ZNF208: variants seen among roughly 807,000 people sequenced by gnomAD.
ZNF208 encodes the protein zinc finger protein 95.
Under a neutral mutation model 12.1 loss-of-function variants are expected in ZNF208, and 10 were observed. That is an observed-to-expected ratio of 0.83 (90% CI 0.51 to 1.40). The LOEUF is 1.40. Ranked by LOEUF, ZNF208 falls within the 40% of genes most tolerant of loss-of-function variation. The probability of loss-of-function intolerance (pLI) is 0.00; values close to 1 mark genes in which losing one functional copy is unlikely to be tolerated. For missense variants in ZNF208, 1,652 were observed against 1,485.0 expected, an observed-to-expected ratio of 1.11 and a Z score of -1.85; for synonymous variants, 497 against 488.4, an observed-to-expected ratio of 1.02 and a Z score of -0.23.
chr19:21,987,384 A>G, intron 2 of ZNF208, 73 bp from the exon 3 acceptor site: 1 of 1,405,942 alleles, frequency 7.1e-7, no homozygotes. Context: ...TGTGCTCAGT[A>G]AAGAGGATGT....
intron 1 of ZNF208, among the ~76,000 whole-genome samples, chr19:22,006,241 C>G (rs922527449): frequency 1.1e-4 from 16 of 152,060 alleles, no homozygotes; most frequent in African/African-American, 3.9e-4. Context: ...AAACATTCCC[C>G]TCACCTTCTT....
chr19:22,001,739 A>C (rs1970950546), intron 1 of ZNF208, among the ~76,000 whole-genome samples: 1 of 151,560 alleles, frequency 6.6e-6, no homozygotes, highest in African/African-American at 2.4e-5. Context: ...AAAACACACA[A>C]AAAATTAGCT....
intron 1 of ZNF208, among the ~76,000 whole-genome samples, chr19:22,007,439 A>G (rs1300887883): frequency 1.5e-5 from 2 of 133,432 alleles, no homozygotes; most frequent in Non-Finnish European, 3.1e-5. Context: ...TAAACCTGGG[A>G]GGAGGAGCTT....
chr19:21,965,280 T>TA (rs1409449642), downstream of ZNF208, among the ~76,000 whole-genome samples: 2 of 152,072 alleles, frequency 1.3e-5, no homozygotes, highest in East Asian at 3.9e-4. Flanking sequence ...AGTTTTGAAA[T>TA]ACTGTCATTT....
chr19:21,965,295 A>T (rs1970144420), downstream of ZNF208, among the ~76,000 whole-genome samples: 1 of 152,042 alleles, frequency 6.6e-6, no homozygotes, highest in African/African-American at 2.4e-5. Flanking sequence ...TCATTTCTAG[A>T]TGAAATAACA....
intron 4 of ZNF208, among the ~76,000 whole-genome samples, chr19:21,954,801 G>A (rs912682324): frequency 2.0e-5 from 3 of 152,138 alleles, no homozygotes; most frequent in African/African-American, 7.2e-5. Flanking sequence ...TTGCCAGTCT[G>A]TGTCTTTTAA....
chr19:21,974,892 A>G, intron 3 of ZNF208, 85 bp from the exon 4 acceptor site: 3 of 1,406,610 alleles, frequency 2.1e-6, no homozygotes, highest in Non-Finnish European at 2.8e-6. Context: ...AAAATTATTC[A>G]AACTACATAA....
intron 1 of ZNF208, among the ~76,000 whole-genome samples, chr19:22,001,915 A>AAAAAAAAAG (rs1970959670): frequency 1.5e-4 from 22 of 144,838 alleles, no homozygotes; most frequent in Non-Finnish European, 2.7e-4. Context: ...AAAAAAAAAA[A>AAAAAAAAAG]AAAAAAGAAA....
chr19:21,948,174 C>G (rs1969841051), intron 4 of ZNF208, among the ~76,000 whole-genome samples: 1 of 152,182 alleles, frequency 6.6e-6, no homozygotes, highest in South Asian at 2.1e-4. Context: ...GCATTCCCCT[C>G]TAGTGCATTC....
intron 4 of ZNF208, among the ~76,000 whole-genome samples, chr19:21,942,629 TTGTA>T (rs1372342392): frequency 6.6e-6 from 1 of 152,168 alleles, no homozygotes; most frequent in Non-Finnish European, 1.5e-5. Context: ...TTCAGTGTGT[TTGTA>T]TGACTTTTCT....
chr19:22,010,722 C>T (rs1397245537), intron 1 of ZNF208, 70 bp downstream of exon 1: 47 of 1,613,564 alleles, frequency 2.9e-5, no homozygotes, highest in Non-Finnish European at 3.8e-5. Flanking sequence ...TGAGTCCCGC[C>T]ACAGCCACTT....
At chr19:21,981,660 GCTCT>G (rs1343503684) in intron 3 of ZNF208, among the ~76,000 whole-genome samples, 3 of 152,164 alleles carry the variant, frequency 2.0e-5, no homozygotes, top group Non-Finnish European at 4.4e-5. Flanking sequence ...AAACAGGGAT[GCTCT>G]CTCTCACCAC....
At chr19:21,998,850 A>G (rs1341232698) in intron 1 of ZNF208, 1 of 152,222 alleles carries the variant, frequency 6.6e-6, no homozygotes. Flanking sequence ...ACTTTTTTAT[A>G]AAAATTGAAA....
At chr19:21,975,297 C>T (rs1160511415) in intron 3 of ZNF208, among the ~76,000 whole-genome samples, 1 of 152,158 alleles carries the variant, frequency 6.6e-6, no homozygotes, top group Non-Finnish European at 1.5e-5. Context: ...TGGTGGTATA[C>T]TTAGAAATGA....
Position 21,966,612 on chromosome 19 carries a change from G to A in ZNF208, c.*4579C>T, listed in dbSNP as rs1352728571. 6.6e-6 allele frequency: 1 copy of A among 152,010 alleles called. No individual in the cohort carries two copies. The highest frequency in any genetic ancestry group is 1.5e-5 in the Non-Finnish European group (1 of 68,000). 9.4% of individuals were successfully genotyped at this position (152,010 alleles called of 1,614,324 possible). On this transcript the variant is annotated 3_prime_UTR_variant, in exon 4 of 4. Coordinates refer to ENST00000397126, the MANE Select transcript of ZNF208 (RefSeq NM_007153.3). ...GGCAAAATTATTTATTCTTTTTGGG[G>A]GCAGATATCCAGTAATCGGCTTGAT...
chr19:21,943,068 A>G (rs902992407), intron 4 of ZNF208, among the ~76,000 whole-genome samples: 2 of 152,318 alleles, frequency 1.3e-5, no homozygotes, highest in Non-Finnish European at 2.9e-5. Flanking sequence ...GTCTGAGAAA[A>G]CAGATTCTAC....
chr19:21,996,713 C>T (rs1970841314), intron 1 of ZNF208, among the ~76,000 whole-genome samples: 1 of 152,176 alleles, frequency 6.6e-6, no homozygotes, highest in African/African-American at 2.4e-5. Flanking sequence ...CTCACGTCTA[C>T]AGGTCTACTC....
At chr19:21,956,775 C>G (rs1232298783) in intron 4 of ZNF208, among the ~76,000 whole-genome samples, 1 of 152,198 alleles carries the variant, frequency 6.6e-6, no homozygotes, top group Non-Finnish European at 1.5e-5. Context: ...ACCCCAACCC[C>G]TTGCACTTTC....
At position 21,973,846 on chromosome 19, in the gene ZNF208, G is replaced by A. The variant is rs753249755; in HGVS notation, c.1188C>T (p.Pro396=). 11 of 1,613,334 alleles carry A rather than the reference G, an allele frequency of 6.8e-6. No homozygotes were observed. In the East Asian group the frequency reaches 2.5e-4, roughly 36 times the overall value. The change falls in exon 4 of 4, where the codon CCC becomes CCT. Residue 396 remains proline (P), a synonymous_variant. Transcript: ENST00000397126. ...CTTTGCCACATTCTTCACATTTGTA[G>A]GGTTTCTCTCCAGTATGAATTTTCT... ...YHKKIHTGEK[P]YKCEECGKGF... is the part of the protein sequence containing the mutation.
Sources: gnomAD v4.1 joint callset for allele counts (sites outside exome capture counted in the v4.1 genomes callset) on GRCh38, gnomAD v4.1.1 for gene constraint, MANE v1.5 for transcripts, NCBI Gene and HGNC (gene_info 2026-07-23, HGNC 2026-07-21) for gene names.